The following FGF22 variants were observed in gnomAD, a reference collection of about 807,000 sequenced individuals.
FGF22 encodes FGF-22.
Under a neutral mutation model 10.3 loss-of-function variants are expected in FGF22, and 11 were observed. The observed-to-expected ratio is 1.07, with a 90% CI of 0.67 to 1.77. FGF22 has a LOEUF of 1.77. FGF22 is among the 40% of genes most tolerant of loss of function. FGF22 has a pLI of 0.00. For missense variants in FGF22, 317 were observed against 273.2 expected (o/e 1.16, Z -1.13); for synonymous variants, 136 against 122.1 (o/e 1.11, Z -0.75).
intron 1 of FGF22, among the ~76,000 whole-genome samples, chr19:642,176 C>G (rs1459975611): frequency 1.3e-5 from 2 of 152,164 alleles, no homozygotes; most frequent in Non-Finnish European, 2.9e-5. Context: ...GTCCGGAGTC[C>G]CAGTGACTGT....
At chr19:643,862 C>T (rs1367822666) in exon 3 of FGF22, 14 of 313,866 alleles carry the variant, frequency 4.5e-5, no homozygotes, top group East Asian at 1.4e-4. Flanking sequence ...GTCGAAAGGT[C>T]GAGGGGGACG....
Position 643,538 on chromosome 19 carries a change from CCGGCCAGG to C in FGF22, c.453_460del (p.Gly152AspfsTer20). ...TGGCGCTGGACAGGAGGGGGGGGCC[CCGGCCAGG>C]CGGCCGGACGCGGCGGTACCACCTG... On this transcript the variant is annotated frameshift_variant, in exon 3 of 3. Coordinates refer to ENST00000215530, the Ensembl canonical transcript of FGF22. LOFTEE classifies it low-confidence loss of function (END_TRUNC). The C allele has an allele frequency of 6.2e-7, 1 of 1,601,890 alleles. No individual in the cohort carries two copies.
chr19:641,648 C>A, intron 1 of FGF22: 1 of 193,250 alleles, frequency 5.2e-6, no homozygotes, highest in Non-Finnish European at 1.1e-5. Flanking sequence ...CAGTGAACGG[C>A]GGTGTTGGGA....
chr19:643,712 G>A, exon 3 of FGF22: 2 of 975,146 alleles, frequency 2.1e-6, no homozygotes, highest in South Asian at 1.7e-5. Flanking sequence ...TGCCCACCGT[G>A]TGCGGGCGCT....
At chr19:640,014 C>A (rs1985847904) in exon 1 of FGF22, 2 of 1,341,116 alleles carry the variant, frequency 1.5e-6, no homozygotes, top group South Asian at 1.9e-5. Context: ...TCGCGGGGAC[C>A]GCGCAGCTAC....
chr19:643,172 A>C, intron 1 of FGF22, 63 bp from the exon 2 acceptor site: 1 of 594,220 alleles, frequency 1.7e-6, no homozygotes, highest in Middle Eastern at 4.0e-4. Flanking sequence ...CACGAAGCAC[A>C]GCGGACAGCA....
chr19:642,248 G>A (rs1216871691), intron 1 of FGF22, among the ~76,000 whole-genome samples: 2 of 107,248 alleles, frequency 1.9e-5, no homozygotes, highest in African/African-American at 6.8e-5. Flanking sequence ...GGTGGTGTGA[G>A]CTGTGAGGGC....
exon 2 of FGF22, chr19:643,266 C>G: frequency 6.2e-7 from 1 of 1,611,660 alleles, no homozygotes. Context: ...TACACGTGGG[C>G]GTCGTGGTCA....
chr19:641,781 G>A (rs8109113), intron 1 of FGF22, among the ~76,000 whole-genome samples: 120,471 of 151,896 alleles, frequency 0.79, 47,958 homozygotes, highest in East Asian at 0.97. Context: ...CGGGCTGGGA[G>A]GCTGCCCCGA....
rs531384275 is a variant in FGF22 at position 643,940 on chromosome 19, G to A, written c.*336G>A. 6.5e-4 allele frequency: 201 copies of A among 307,804 alleles called. 2 individuals are homozygous for A. The highest frequency in any genetic ancestry group is 4.3e-3 in the African/African-American group (193 of 45,214). The allele number at this position is 307,804 out of a possible 1,614,324, so 19.1% of individuals were successfully genotyped here. ...GCACGTTGGGAGTGGGGGCAGGAGC[G>A]GAGGGGAGGGGAGGGGGCCGGGGAG... On this transcript the variant is annotated 3_prime_UTR_variant, in exon 3 of 3. Transcript: ENST00000215530.
intron 1 of FGF22, chr19:641,258 C>G (rs1282958420): frequency 2.2e-6 from 1 of 455,918 alleles, no homozygotes; most frequent in Admixed American, 2.3e-5. Flanking sequence ...GACACGTGAA[C>G]AAGGGCGCAG....
intron 1 of FGF22, among the ~76,000 whole-genome samples, chr19:641,749 G>A (rs942157010): frequency 6.6e-5 from 10 of 152,234 alleles, no homozygotes; most frequent in Middle Eastern, 3.4e-3. Flanking sequence ...CCTCAAAGAC[G>A]TTCCTGTGTG....
chr19:641,174 C>T (rs959900681), intron 1 of FGF22: 1 of 456,418 alleles, frequency 2.2e-6, no homozygotes, highest in Non-Finnish European at 4.4e-6. Context: ...GTGCTGTGCT[C>T]CGCATGGGGG....
chr19:641,901 C>T (rs1423723920), intron 1 of FGF22, among the ~76,000 whole-genome samples: 1 of 152,156 alleles, frequency 6.6e-6, no homozygotes, highest in African/African-American at 2.4e-5. Flanking sequence ...TGAGGAGTGG[C>T]GGCTGGCCCC....
chr19:640,846 G>A (rs1028348520), intron 1 of FGF22: 8 of 219,182 alleles, frequency 3.6e-5, no homozygotes, highest in South Asian at 5.8e-5. Flanking sequence ...GCTGGCTGCC[G>A]CCTGAATCAC....
chr19:642,734 C>G (rs1985944904), intron 1 of FGF22, among the ~76,000 whole-genome samples: 1 of 151,104 alleles, frequency 6.6e-6, no homozygotes, highest in Admixed American at 6.6e-5. Flanking sequence ...CCCTGGGGTG[C>G]TGCTGGTCGC....
chr19:639,932 C>T (rs1985843586), exon 1 of FGF22: 2 of 1,225,782 alleles, frequency 1.6e-6, no homozygotes, highest in African/African-American at 1.6e-5. Flanking sequence ...GGTCATGCGC[C>T]GCCGCCTGTG....
At chr19:640,009 G>A (rs1203720091) in exon 1 of FGF22, 1 of 1,328,494 alleles carries the variant, frequency 7.5e-7, no homozygotes, top group Non-Finnish European at 9.6e-7. Context: ...GCGCGTCGCG[G>A]GGACCGCGCA....
Position 643,400 on chromosome 19 carries a change from C to A in FGF22, c.319-10C>A. 1 of 1,609,100 alleles carries A rather than the reference C, an allele frequency of 6.2e-7. No homozygotes were observed. The highest frequency in any genetic ancestry group is 1.7e-5 in the Admixed American group (1 of 59,826). On this transcript the variant is annotated splice_polypyrimidine_tract_variant and intron_variant, in intron 2 of 2. Transcript: ENST00000215530. The stretch of plus-strand genomic sequence containing the variant: ...TGGGGAGGGTGGGCCGGCCTCACCC[C>A]CGCCCGCAGCGACTCTACACCGTGG...
Sources: gnomAD v4.1 joint callset for allele counts (sites outside exome capture counted in the v4.1 genomes callset) on GRCh38, gnomAD v4.1.1 for gene constraint, MANE v1.5 for transcripts, NCBI Gene and HGNC (gene_info 2026-07-23, HGNC 2026-07-21) for gene names.